Variants in ATP2A2 observed in about 807,000 individuals in gnomAD.
The protein encoded by ATP2A2 is ATPase sarcoplasmic/endoplasmic reticulum Ca2+ transporting 2.
Under a neutral mutation model 109.3 loss-of-function variants are expected in ATP2A2, and 14 were observed. The ratio of observed to expected loss-of-function variants is 0.13; its 90% CI spans 0.08 to 0.20. ATP2A2 has a LOEUF of 0.20. Ranked by LOEUF, ATP2A2 falls within the 10% of genes least tolerant of loss-of-function variation. The pLI is 1.00. For missense variants in ATP2A2, 657 were observed against 1,321.6 expected, an observed-to-expected ratio of 0.50 and a Z score of 7.80; for synonymous variants, 506 against 490.9, an observed-to-expected ratio of 1.03 and a Z score of -0.41.
intron 4 of ATP2A2, among the ~76,000 whole-genome samples, chr12:110,293,884 T>A (rs1873664610): frequency 7.1e-6 from 1 of 140,082 alleles, no homozygotes; most frequent in African/African-American, 2.7e-5. Context: ...TTTTTTTTTT[T>A]TTTTTTTTTT....
At chr12:110,345,624 G>C (rs1212702936) in intron 18 of ATP2A2, 6 of 637,722 alleles carry the variant, frequency 9.4e-6, no homozygotes, top group Non-Finnish European at 8.0e-6. Flanking sequence ...GCCAAAAATA[G>C]GAACTTTGGT....
At chr12:110,332,714 A>C in intron 9 of ATP2A2, 29 bp downstream of exon 9, 4 of 1,543,566 alleles carry the variant, frequency 2.6e-6, no homozygotes, top group Non-Finnish European at 3.6e-6. Context: ...CATTTAAAGG[A>C]TCTGGTGTGG....
chr12:110,347,254 A>T lies in ATP2A2; in HGVS notation c.*784A>T, dbSNP rs147246532. 1.2e-3 allele frequency: 1,499 copies of T among 1,228,360 alleles called. 22 individuals carry two copies. In the African/African-American group the frequency reaches 0.021, roughly 17 times the overall value. 76.1% of individuals were successfully genotyped at this position (1,228,360 alleles called of 1,614,324 possible). ...TATTGTAACAGACATTGTTTTGCCA[A>T]CATTGCCTATTTCAGTGGCACGTCA... On this transcript the variant is annotated 3_prime_UTR_variant, in exon 20 of 20. Transcript: ENST00000539276.
At position 110,339,806 on chromosome 12, in the gene ATP2A2, G is replaced by A; in HGVS notation, c.1761+85G>A. On this transcript the variant is annotated intron_variant, in intron 13 of 19. Coordinates refer to ENST00000539276, the MANE Select transcript of ATP2A2 (RefSeq NM_170665.4). This position sits in a 1 kb window ranked among gnomAD's most constrained non-coding sequence, Gnocchi z 4.4. ...ACTCCTTCAAGCAAAAGGTCAAACA[G>A]TTCTCACTTTTGCCAAGAAAGAGGT... is the stretch of plus-strand genomic sequence containing the variant. 7.0e-7 allele frequency: 1 copy of A among 1,432,222 alleles called. No individual in the cohort carries two copies. The highest frequency in any genetic ancestry group is 9.7e-7 in the Non-Finnish European group (1 of 1,028,562). 88.7% of individuals were successfully genotyped at this position (1,432,222 alleles called of 1,614,324 possible).
chr12:110,283,239 T>G (rs1308785473), intron 3 of ATP2A2, among the ~76,000 whole-genome samples: 1 of 152,216 alleles, frequency 6.6e-6, no homozygotes, highest in Non-Finnish European at 1.5e-5. Flanking sequence ...AAGGTGACAG[T>G]TGTTCCTGAC....
At chr12:110,313,231 C>T (rs1226921958) in intron 5 of ATP2A2, among the ~76,000 whole-genome samples, 1 of 151,948 alleles carries the variant, frequency 6.6e-6, no homozygotes, top group African/African-American at 2.4e-5. Context: ...CCAGGAAGTG[C>T]CAACCTTTTC....
intron 18 of ATP2A2, 32 bp downstream of exon 18, chr12:110,345,414 G>C (rs2137872134): frequency 1.2e-6 from 2 of 1,614,050 alleles, no homozygotes; most frequent in East Asian, 4.5e-5. Context: ...GCTGAGGCGA[G>C]CATGGTGACT....
Position 110,349,890 on chromosome 12 carries a change from C to T in ATP2A2, c.*3420C>T. ...AGGCGAGCAGCCAGAAGCCGGGTGC[C>T]CACAGGGCAGGGACAGGAAGGCTGT... On this transcript the variant is annotated 3_prime_UTR_variant, in exon 20 of 20. Transcript: ENST00000539276. 2.8e-6 allele frequency: 3 copies of T among 1,066,778 alleles called. No individual in the cohort carries two copies. The South Asian group carries it at 9.9e-5, about 35-fold the overall frequency. 66.1% of individuals were successfully genotyped at this position (1,066,778 alleles called of 1,614,324 possible).
At chr12:110,286,726 AT>A (rs1872703930) in intron 3 of ATP2A2, among the ~76,000 whole-genome samples, 1 of 151,228 alleles carries the variant, frequency 6.6e-6, no homozygotes, top group Non-Finnish European at 1.5e-5. Context: ...CTTGATGTAA[AT>A]TTCTTCATTT....
intron 5 of ATP2A2, among the ~76,000 whole-genome samples, chr12:110,314,656 C>T (rs1467040940): frequency 6.6e-6 from 1 of 152,028 alleles, no homozygotes; most frequent in Non-Finnish European, 1.5e-5. Context: ...ATAATAGATC[C>T]CTCCTTAGAG....
chr12:110,284,003 ATACT>A (rs747108935), intron 3 of ATP2A2, among the ~76,000 whole-genome samples: 1 of 152,228 alleles, frequency 6.6e-6, no homozygotes, highest in Non-Finnish European at 1.5e-5. Context: ...TCCTGCTATG[ATACT>A]TTATTATGCC....
intron 5 of ATP2A2, among the ~76,000 whole-genome samples, chr12:110,312,449 T>C (rs1017018832): frequency 2.0e-5 from 3 of 152,172 alleles, no homozygotes. Context: ...TTTATGGACT[T>C]TCTTCCCCAA....
At chr12:110,293,938 G>T (rs1873672926) in intron 4 of ATP2A2, among the ~76,000 whole-genome samples, 1 of 140,762 alleles carries the variant, frequency 7.1e-6, no homozygotes. Flanking sequence ...GTGCAGTGGT[G>T]TGATTTTGGC....
At position 110,348,078 on chromosome 12, in the gene ATP2A2, G is replaced by A; in HGVS notation, c.*1608G>A. ...CCGGAGTGGGGAGAGAGGCATTTCA[G>A]CCAGACCAACAGGCTGAAGGAGCTG... is the stretch of plus-strand genomic sequence containing the variant. On this transcript the variant is annotated 3_prime_UTR_variant, in exon 20 of 20. Transcript: ENST00000539276. 1 of 986,344 alleles carries A rather than the reference G, an allele frequency of 1.0e-6. No homozygotes were observed. The highest frequency in any genetic ancestry group is 1.2e-6 in the Non-Finnish European group (1 of 830,582). The allele number at this position is 986,344 out of a possible 1,614,324, so 61.1% of individuals were successfully genotyped here.
intron 10 of ATP2A2, among the ~76,000 whole-genome samples, 166 bp from the exon 11 acceptor site, chr12:110,333,842 TTGAG>T (rs1878573881): frequency 6.6e-6 from 1 of 152,164 alleles, no homozygotes; most frequent in Non-Finnish European, 1.5e-5. Context: ...CACCTGTACT[TTGAG>T]TATGTTTTTA....
Position 110,333,191 on chromosome 12 carries a change from G to C in ATP2A2, c.1195G>C (p.Asp399His). 6.2e-7 allele frequency: 1 copy of C among 1,613,750 alleles called. No homozygotes were observed. Among genetic ancestry groups the C allele is most frequent in the Non-Finnish European group, 8.5e-7 (1 of 1,179,692 alleles). ...YAPIGEVHKD[D>H]KPVNCHQYDG... Reference sequence around the variant, plus strand: ...TTTCTCTTTGGGCAGGCATAAAGATGATAAACCAGTGAATTGTCACCAGTA... The same window carrying C: ...TTTCTCTTTGGGCAGGCATAAAGATCATAAACCAGTGAATTGTCACCAGTA... The change falls in exon 10 of 20, where the codon GAT (aspartate) becomes CAT (histidine). Residue 399 changes from aspartate (D) to histidine (H), a missense_variant. Physicochemically the swap from Asp to His is moderately conservative, Grantham distance 81. This residue lies in a region of ATP2A2 where 46 missense variants were observed against 62.0 expected (regional missense o/e 0.74). Transcript: ENST00000539276.
intron 6 of ATP2A2, among the ~76,000 whole-genome samples, chr12:110,324,793 T>G (rs1003939261): frequency 6.6e-6 from 1 of 151,556 alleles, no homozygotes; most frequent in African/African-American, 2.4e-5. Context: ...TGGCCAAGAG[T>G]TTGAGAGAGC....
At chr12:110,283,698 GTTATT>G (rs1872382026) in intron 3 of ATP2A2, among the ~76,000 whole-genome samples, 2 of 152,026 alleles carry the variant, frequency 1.3e-5, no homozygotes, top group African/African-American at 2.4e-5. Context: ...CTTGAATTAC[GTTATT>G]CTTACAAAAA....
At chr12:110,329,407 TTTTG>T (rs1050140394) in intron 8 of ATP2A2, 34 of 153,098 alleles carry the variant, frequency 2.2e-4, no homozygotes, top group African/African-American at 6.5e-4. Context: ...TCATATATAT[TTTTG>T]TTTGTTTGTT....
Sources: gnomAD v4.1 joint callset for allele counts (sites outside exome capture counted in the v4.1 genomes callset) on GRCh38, gnomAD v4.1.1 for gene constraint, gnomAD v4.1.1 regional missense constraint, Gnocchi (gnomAD v3.1) non-coding constraint, MANE v1.5 for transcripts, NCBI Gene and HGNC (gene_info 2026-07-23, HGNC 2026-07-21) for gene names.